Variants in NRG3 observed in about 807,000 individuals in gnomAD.
The protein encoded by NRG3 is pro-neuregulin-3, membrane-bound isoform.
A neutral mutation model predicts 66.9 loss-of-function variants in NRG3; 31 were observed. The ratio of observed to expected loss-of-function variants is 0.46; its 90% CI spans 0.35 to 0.63. The LOEUF is 0.63. Ranked by LOEUF, NRG3 falls within the 20% of genes least tolerant of loss-of-function variation. NRG3 has a pLI of 0.00. For synonymous variants in NRG3, 393 were observed against 359.4 expected, an observed-to-expected ratio of 1.09 and a Z score of -1.06; for missense variants, 910 against 878.9, an observed-to-expected ratio of 1.04 and a Z score of -0.45.
chr10:82,959,083 A>G lies in NRG3; in HGVS notation c.1284+8A>G, dbSNP rs1305133907. ...CATGTCCAGCTGCAAAATGTAAGTG[A>G]CATGTCTACACACCTCCTCCTATAG... On this transcript the variant is annotated splice_region_variant and intron_variant, in intron 6 of 8. Transcript: ENST00000372141. 6.3e-7 allele frequency: 1 copy of G among 1,588,616 alleles called. No individual in the cohort carries two copies. The highest frequency in any genetic ancestry group is 8.5e-7 in the Non-Finnish European group (1 of 1,170,894).
At chr10:82,915,899 G>A (rs192714598) in intron 4 of NRG3, among the ~76,000 whole-genome samples, 97 of 151,982 alleles carry the variant, frequency 6.4e-4, no homozygotes, top group African/African-American at 2.2e-3. Flanking sequence ...TTCAACAAAC[G>A]TTTATTTTTC....
At chr10:82,120,098 A>C (rs1590186111) in intron 1 of NRG3, among the ~76,000 whole-genome samples, 1 of 152,260 alleles carries the variant, frequency 6.6e-6, no homozygotes, top group East Asian at 1.9e-4. Flanking sequence ...CTGTTGGATA[A>C]ATTCAGGAAA....
chr10:82,789,231 C>T (rs1389839557), intron 3 of NRG3, among the ~76,000 whole-genome samples: 1 of 151,822 alleles, frequency 6.6e-6, no homozygotes, highest in East Asian at 1.9e-4. Flanking sequence ...ATTTGCATTC[C>T]AATAATGTCT....
chr10:81,921,256 A>G (rs183509798), intron 1 of NRG3, among the ~76,000 whole-genome samples: 138 of 152,078 alleles, frequency 9.1e-4, no homozygotes, highest in Non-Finnish European at 1.6e-3. Flanking sequence ...TATAATTGCT[A>G]ATTGTATTAT....
chr10:82,341,479 G>A (rs567928778), intron 1 of NRG3, among the ~76,000 whole-genome samples: 2 of 151,998 alleles, frequency 1.3e-5, no homozygotes, highest in Non-Finnish European at 2.9e-5. Context: ...GGATTAATAG[G>A]TTTATTCCAA....
intron 2 of NRG3, among the ~76,000 whole-genome samples, chr10:82,510,874 T>C (rs1565007908): frequency 1.3e-5 from 2 of 151,962 alleles, no homozygotes; most frequent in Non-Finnish European, 2.9e-5. Flanking sequence ...AAATAAAGGG[T>C]AAAGACAGGA....
At chr10:81,930,765 G>A (rs982942034) in intron 1 of NRG3, among the ~76,000 whole-genome samples, 1 of 152,182 alleles carries the variant, frequency 6.6e-6, no homozygotes, top group African/African-American at 2.4e-5. Flanking sequence ...CAGTGGTGCA[G>A]ACTGAGACAT....
intron 1 of NRG3, among the ~76,000 whole-genome samples, chr10:81,940,001 A>G (rs1243306052): frequency 1.3e-5 from 2 of 151,980 alleles, no homozygotes; most frequent in East Asian, 1.9e-4. Flanking sequence ...GATACTTTCT[A>G]AGTTCTTTTA....
intron 1 of NRG3, among the ~76,000 whole-genome samples, chr10:81,934,357 T>C (rs1262280516): frequency 6.6e-6 from 1 of 152,364 alleles, no homozygotes; most frequent in Middle Eastern, 3.4e-3. Flanking sequence ...GTGGTGGTTC[T>C]TTCTTTGCCA....
chr10:82,260,314 G>A (rs1191044204), intron 1 of NRG3, among the ~76,000 whole-genome samples: 1 of 152,190 alleles, frequency 6.6e-6, no homozygotes, highest in Non-Finnish European at 1.5e-5. Context: ...TAATGCCAAA[G>A]CAGCTAGAGT....
At chr10:82,468,291 G>A (rs953397255) in intron 2 of NRG3, among the ~76,000 whole-genome samples, 8 of 152,076 alleles carry the variant, frequency 5.3e-5, no homozygotes, top group Non-Finnish European at 7.4e-5. Flanking sequence ...AAGGGTGGGC[G>A]CCTATGGCAG....
chr10:81,968,940 C>T (rs896993262), intron 1 of NRG3, among the ~76,000 whole-genome samples: 10 of 152,122 alleles, frequency 6.6e-5, no homozygotes, highest in African/African-American at 2.4e-4. Flanking sequence ...GTTGTTAGGT[C>T]TAGAGTGCAG....
At position 81,875,352 on chromosome 10, in the gene NRG3, G is replaced by A. The variant is rs1371125603; in HGVS notation, c.12G>A (p.Gly4=). Residue 4 remains glycine (G), a synonymous_variant, in exon 1 of 9, where the codon GGG becomes GGA. Transcript: ENST00000372141. This position sits in a 1 kb window ranked among gnomAD's most constrained non-coding sequence, Gnocchi z 5.3. ...GACCGGCTCCTAGGATGAGTGAAGG[G>A]GCGGCCGCTGCCTCGCCACCTGGTG... MSE[G]AAAASPPGAA... is the part of the protein sequence containing the mutation. 7.1e-6 allele frequency: 7 copies of A among 989,268 alleles called. No homozygotes were observed. The highest frequency in any genetic ancestry group is 8.4e-6 in the Non-Finnish European group (7 of 833,992). 61.3% of individuals were successfully genotyped at this position (989,268 alleles called of 1,614,324 possible). A position where few individuals can be genotyped will look rare whatever the true frequency, so the allele number is the denominator to read the frequency against.
chr10:82,481,548 T>G (rs1842270111), intron 2 of NRG3, among the ~76,000 whole-genome samples: 1 of 152,204 alleles, frequency 6.6e-6, no homozygotes, highest in African/African-American at 2.4e-5. Flanking sequence ...AATCATTCAT[T>G]TACATATTAA....
chr10:82,198,354 A>T (rs1354887149), intron 1 of NRG3, among the ~76,000 whole-genome samples: 1 of 152,190 alleles, frequency 6.6e-6, no homozygotes, highest in East Asian at 1.9e-4. Context: ...GGTAGAACAA[A>T]ATAAAAGATG....
intron 1 of NRG3, among the ~76,000 whole-genome samples, chr10:82,119,238 T>G (rs1483036209): frequency 6.6e-6 from 1 of 152,154 alleles, no homozygotes; most frequent in East Asian, 1.9e-4. Context: ...ATATTTACCA[T>G]GCTGTGCAAT....
At chr10:82,763,914 T>C (rs1021251080) in intron 3 of NRG3, among the ~76,000 whole-genome samples, 11 of 152,340 alleles carry the variant, frequency 7.2e-5, no homozygotes, top group African/African-American at 2.6e-4. Flanking sequence ...CATGATAATA[T>C]TTGGACATAT....
intron 1 of NRG3, among the ~76,000 whole-genome samples, chr10:81,933,107 CAAAAAAAA>C (rs769607380): frequency 6.7e-5 from 4 of 59,522 alleles, no homozygotes; most frequent in African/African-American, 2.0e-4. Flanking sequence ...CGCTCCATCT[CAAAAAAAA>C]AAAAAAAAAA....
chr10:82,520,465 G>C (rs146793513), intron 2 of NRG3, among the ~76,000 whole-genome samples: 1 of 151,820 alleles, frequency 6.6e-6, no homozygotes, highest in African/African-American at 2.4e-5. Flanking sequence ...TGGTATTTTC[G>C]TAGGAGGGTA....
Sources: gnomAD v4.1 joint callset for allele counts (sites outside exome capture counted in the v4.1 genomes callset) on GRCh38, gnomAD v4.1.1 for gene constraint, Gnocchi (gnomAD v3.1) non-coding constraint, MANE v1.5 for transcripts, NCBI Gene and HGNC (gene_info 2026-07-23, HGNC 2026-07-21) for gene names.